The following TMEM108 variants were observed in gnomAD, a reference collection of about 807,000 sequenced individuals.
The protein encoded by TMEM108 is cancer/testis antigen 124.
A neutral mutation model predicts 35.1 loss-of-function variants in TMEM108; 12 were observed. The observed-to-expected ratio is 0.34, with a 90% CI of 0.22 to 0.55. The LOEUF is 0.55. Ranked by LOEUF, TMEM108 falls within the 20% of genes least tolerant of loss-of-function variation. The pLI is 0.89. For synonymous variants in TMEM108, 287 were observed against 308.6 expected (o/e 0.93, Z 0.73); for missense variants, 680 against 753.3 (o/e 0.90, Z 1.14).
intron 3 of TMEM108, among the ~76,000 whole-genome samples, chr3:133,332,058 G>A (rs916609594): frequency 6.8e-6 from 1 of 147,934 alleles, no homozygotes; most frequent in Non-Finnish European, 1.5e-5. Flanking sequence ...GCACATGTGT[G>A]CTTGTGCGCG....
intron 2 of TMEM108, among the ~76,000 whole-genome samples, chr3:133,155,732 A>G (rs1944871518): frequency 6.6e-6 from 1 of 152,072 alleles, no homozygotes; most frequent in Non-Finnish European, 1.5e-5. Flanking sequence ...GTTTCAGTAG[A>G]TTCTGGATAT....
chr3:133,145,577 T>A (rs376592352), intron 2 of TMEM108, among the ~76,000 whole-genome samples: 1 of 152,226 alleles, frequency 6.6e-6, no homozygotes, highest in East Asian at 1.9e-4. Context: ...TTTCACGATA[T>A]TGATTCTTCC....
chr3:133,223,915 G>C (rs1946029594), intron 2 of TMEM108, among the ~76,000 whole-genome samples: 1 of 152,162 alleles, frequency 6.6e-6, no homozygotes, highest in African/African-American at 2.4e-5. Context: ...TAGCCAAATG[G>C]TGCTTCTAGT....
At chr3:133,214,678 C>G (rs1055650149) in intron 2 of TMEM108, among the ~76,000 whole-genome samples, 2 of 152,134 alleles carry the variant, frequency 1.3e-5, no homozygotes, top group African/African-American at 2.4e-5. Context: ...CCGGCATCCC[C>G]CAACCCCTGG....
intron 2 of TMEM108, among the ~76,000 whole-genome samples, chr3:133,053,939 A>G (rs1325071880): frequency 6.6e-6 from 1 of 152,164 alleles, no homozygotes; most frequent in Non-Finnish European, 1.5e-5. Flanking sequence ...TATCATCCTG[A>G]TGGTTAAACT....
At chr3:133,343,351 A>G (rs773272793) in intron 3 of TMEM108, among the ~76,000 whole-genome samples, 1 of 151,910 alleles carries the variant, frequency 6.6e-6, no homozygotes, top group Non-Finnish European at 1.5e-5. Context: ...CAACCTAGCA[A>G]TCTCACTGTT....
At chr3:133,077,012 A>G (rs1478681748) in intron 2 of TMEM108, among the ~76,000 whole-genome samples, 1 of 152,252 alleles carries the variant, frequency 6.6e-6, no homozygotes, top group Non-Finnish European at 1.5e-5. Context: ...AGTTCCTCAC[A>G]TGAGATAGTC....
chr3:133,157,514 T>C (rs1944898717), intron 2 of TMEM108, among the ~76,000 whole-genome samples: 2 of 152,190 alleles, frequency 1.3e-5, no homozygotes, highest in Admixed American at 1.3e-4. Flanking sequence ...AAAAGTAAAC[T>C]CTTGCTCAGA....
chr3:133,172,273 T>G (rs1281969052), intron 2 of TMEM108, among the ~76,000 whole-genome samples: 2 of 152,186 alleles, frequency 1.3e-5, no homozygotes, highest in African/African-American at 4.8e-5. Flanking sequence ...TTCTTAAACA[T>G]TACCTTTTCC....
rs550011486 is a variant in TMEM108, at chr3:133,169,324, T to C, written c.-46-59942T>C. 8.6e-3 allele frequency among the ~76,000 whole-genome samples: 41 copies of C among 4,778 alleles called. No homozygotes were observed. In the East Asian group the frequency reaches 0.22, roughly 26 times the overall value. 3.1% of individuals were successfully genotyped at this position (4,778 alleles called of 152,430 possible). A position where few individuals can be genotyped will look rare whatever the true frequency, so the allele number is the denominator to read the frequency against. Reference sequence around the variant, plus strand: ...TAGTTGTGTACTCATCTTTGGACTTTCTGTATTTCAGTAAGCATGTATTTC... The same window carrying C: ...TAGTTGTGTACTCATCTTTGGACTTCCTGTATTTCAGTAAGCATGTATTTC... On this transcript the variant is annotated intron_variant, in intron 2 of 5. Coordinates refer to ENST00000321871, the MANE Select transcript of TMEM108 (RefSeq NM_023943.4).
At chr3:133,056,557 A>G (rs1943468230) in intron 2 of TMEM108, among the ~76,000 whole-genome samples, 2 of 152,172 alleles carry the variant, frequency 1.3e-5, no homozygotes, top group South Asian at 4.1e-4. Flanking sequence ...AACAGTATGC[A>G]TACGTGCTTG....
At chr3:133,210,114 C>T (rs1173996665) in intron 2 of TMEM108, among the ~76,000 whole-genome samples, 1 of 152,202 alleles carries the variant, frequency 6.6e-6, no homozygotes, top group Non-Finnish European at 1.5e-5. Context: ...TTTCATTTAT[C>T]ATCCCACTTC....
At chr3:133,181,029 A>AAAAAAAAC (rs1945334721) in intron 2 of TMEM108, among the ~76,000 whole-genome samples, 1 of 144,004 alleles carries the variant, frequency 6.9e-6, no homozygotes, top group Non-Finnish European at 1.5e-5. Context: ...AAAAAAAAAA[A>AAAAAAAAC]AAAAAAAAAC....
At chr3:133,164,269 T>C (rs1334384747) in intron 2 of TMEM108, among the ~76,000 whole-genome samples, 1 of 152,172 alleles carries the variant, frequency 6.6e-6, no homozygotes, top group Non-Finnish European at 1.5e-5. Flanking sequence ...GGAGCCAGGA[T>C]TTCTTACTGA....
At chr3:133,292,223 A>T (rs983478080) in intron 3 of TMEM108, among the ~76,000 whole-genome samples, 1 of 152,216 alleles carries the variant, frequency 6.6e-6, no homozygotes, top group African/African-American at 2.4e-5. Context: ...ATAAGGAAAT[A>T]TGTGTGGCAA....
At chr3:133,102,554 A>T (rs1944101574) in intron 2 of TMEM108, among the ~76,000 whole-genome samples, 2 of 152,324 alleles carry the variant, frequency 1.3e-5, no homozygotes, top group South Asian at 4.1e-4. Context: ...TCCCTAGAAT[A>T]GACTGTGAGT....
intron 3 of TMEM108, among the ~76,000 whole-genome samples, chr3:133,278,860 A>G (rs529812688): frequency 2.0e-5 from 3 of 152,180 alleles, no homozygotes; most frequent in African/African-American, 4.8e-5. Flanking sequence ...AATAATGCAG[A>G]CTCTCAGGCC....
intron 2 of TMEM108, among the ~76,000 whole-genome samples, chr3:133,117,846 C>G (rs1944306243): frequency 6.6e-6 from 1 of 152,174 alleles, no homozygotes; most frequent in Non-Finnish European, 1.5e-5. Flanking sequence ...GCTGCTGTTT[C>G]TCTTGAACAG....
intron 3 of TMEM108, among the ~76,000 whole-genome samples, chr3:133,353,962 T>C (rs1436925366): frequency 1.3e-5 from 2 of 152,314 alleles, no homozygotes; most frequent in East Asian, 1.9e-4. Flanking sequence ...CTTGTGTCCA[T>C]TGATTTGCTT....
Sources: gnomAD v4.1 joint callset for allele counts (sites outside exome capture counted in the v4.1 genomes callset) on GRCh38, gnomAD v4.1.1 for gene constraint, MANE v1.5 for transcripts, NCBI Gene and HGNC (gene_info 2026-07-23, HGNC 2026-07-21) for gene names.